Variants in CEMIP2 observed in about 807,000 individuals in gnomAD.
CEMIP2 encodes the protein cell migration inducing hyaluronidase 2.
In CEMIP2, 79 loss-of-function variants were observed where a neutral mutation model predicts 146.9. That is an observed-to-expected ratio of 0.54 (90% CI 0.45 to 0.65). CEMIP2 has a LOEUF of 0.65. Ranked by LOEUF, CEMIP2 falls within the 30% of genes least tolerant of loss-of-function variation. The pLI is 0.00. For synonymous variants in CEMIP2, 601 were observed against 606.3 expected (o/e 0.99, Z 0.13); for missense variants, 1,596 against 1,696.2 (o/e 0.94, Z 1.04).
intron 1 of CEMIP2, among the ~76,000 whole-genome samples, chr9:71,759,372 C>T (rs1472890486): frequency 6.6e-6 from 1 of 152,102 alleles, no homozygotes; most frequent in African/African-American, 2.4e-5. Flanking sequence ...GTATAAGAAA[C>T]TGTGGGGGTC....
intron 4 of CEMIP2, among the ~76,000 whole-genome samples, chr9:71,743,241 A>T (rs771676111): frequency 1.3e-5 from 2 of 152,222 alleles, no homozygotes; most frequent in Non-Finnish European, 2.9e-5. Context: ...ATTCAGGAGC[A>T]TGGCTCCCTT....
Position 71,707,166 on chromosome 9 carries a change from G to A in CEMIP2, c.2985+2093C>T, listed in dbSNP as rs185587395. Among the ~76,000 whole-genome samples the A allele has an allele frequency of 2.9e-3, 434 of 152,180 alleles. 1 individual carries two copies. The highest frequency in any genetic ancestry group is 5.4e-3 in the Non-Finnish European group (366 of 67,998). ...TCTAGTTTTGTTTCAGTTCTAGAAC[G>A]TCTATAGTTCCTAGGCATTGATGGG... On this transcript the variant is annotated intron_variant, in intron 17 of 23. Coordinates refer to ENST00000377044, the MANE Select transcript of CEMIP2 (RefSeq NM_013390.3).
At chr9:71,712,759 A>G (rs1345654108) in intron 15 of CEMIP2, among the ~76,000 whole-genome samples, 1 of 152,246 alleles carries the variant, frequency 6.6e-6, no homozygotes, top group Non-Finnish European at 1.5e-5. Flanking sequence ...ATGAGCCCTC[A>G]AGGCTTACCA....
At chr9:71,759,676 T>C (rs1035203883) in intron 1 of CEMIP2, among the ~76,000 whole-genome samples, 6 of 152,168 alleles carry the variant, frequency 3.9e-5, no homozygotes, top group Admixed American at 3.3e-4. Flanking sequence ...AGATAGTTCT[T>C]TTTGGAATTT....
intron 11 of CEMIP2, among the ~76,000 whole-genome samples, chr9:71,723,651 A>G (rs2131943124): frequency 6.6e-6 from 1 of 152,298 alleles, no homozygotes; most frequent in East Asian, 1.9e-4. Flanking sequence ...AGTTTGCAAC[A>G]TGTTTTATTT....
At chr9:71,763,085 A>G (rs947797830) in intron 1 of CEMIP2, among the ~76,000 whole-genome samples, 2 of 152,074 alleles carry the variant, frequency 1.3e-5, no homozygotes, top group Non-Finnish European at 2.9e-5. Context: ...GAAAACCTCA[A>G]GAACTCATTT....
intron 2 of CEMIP2, 85 bp downstream of exon 2, chr9:71,749,958 A>T: frequency 7.9e-7 from 1 of 1,268,252 alleles, no homozygotes; most frequent in Non-Finnish European, 1.1e-6. Flanking sequence ...GGGCCAACTT[A>T]AGATAAATTT....
At chr9:71,748,414 C>T (rs1824149360) in intron 2 of CEMIP2, among the ~76,000 whole-genome samples, 1 of 152,148 alleles carries the variant, frequency 6.6e-6, no homozygotes, top group African/African-American at 2.4e-5. Context: ...TTTCAGCATA[C>T]CAGATCTTTC....
At chr9:71,768,769 C>CG (rs1200108415), upstream of CEMIP2, 1 of 152,402 alleles carries the variant, frequency 6.6e-6, no homozygotes, top group Non-Finnish European at 1.5e-5. Context: ...GGCGGCGGCG[C>CG]GGGGCAGAGT....
rs1007336014 is a variant in CEMIP2 at position 71,754,315 on chromosome 9, T to A, written c.-12-3930A>T. Among the ~76,000 whole-genome samples, 4 of 152,208 alleles carry A rather than the reference T, an allele frequency of 2.6e-5. No homozygotes were observed. The East Asian group carries it at 7.7e-4, about 29-fold the overall frequency. ...GGCAATCTCAACAATGGCTGTTTAA[T>A]CCCTAAAGTTGTTAGTACTTGTGTT... is the stretch of plus-strand genomic sequence containing the variant. On this transcript the variant is annotated intron_variant, in intron 1 of 23. Coordinates refer to ENST00000377044, the MANE Select transcript of CEMIP2 (RefSeq NM_013390.3).
At chr9:71,767,177 A>C (rs554266294) in intron 1 of CEMIP2, among the ~76,000 whole-genome samples, 2 of 152,226 alleles carry the variant, frequency 1.3e-5, no homozygotes, top group South Asian at 2.1e-4. Context: ...AAGAAAGATA[A>C]GGCTAACCAT....
intron 18 of CEMIP2, among the ~76,000 whole-genome samples, chr9:71,702,533 C>T (rs977181309): frequency 4.6e-5 from 7 of 151,972 alleles, no homozygotes; most frequent in South Asian, 2.1e-4. Context: ...TACAATGCCT[C>T]GCTTTGGTTA....
chr9:71,734,151 A>T (rs1045941237), intron 6 of CEMIP2, among the ~76,000 whole-genome samples: 6 of 152,148 alleles, frequency 3.9e-5, no homozygotes, highest in African/African-American at 1.4e-4. Context: ...CCCAGCAAGG[A>T]AATGTAGTCT....
At chr9:71,739,835 T>C (rs1823864005) in intron 5 of CEMIP2, among the ~76,000 whole-genome samples, 2 of 152,318 alleles carry the variant, frequency 1.3e-5, no homozygotes, top group South Asian at 4.1e-4. Context: ...ACAATTCTTC[T>C]TCCAATGTGG....
In CEMIP2 at chr9:71,745,480, G is replaced by T. The variant is rs373079809; in HGVS notation, c.572C>A (p.Ala191Glu). The change falls in exon 4 of 24, where the codon GCA (alanine) becomes GAA (glutamate). Residue 191 changes from alanine to glutamate, a missense_variant. Ala to Glu is a moderately radical substitution (Grantham distance 107). Transcript: ENST00000377044. ...IQDGGALHIG[A>E]EKCRYKSKAT... ...TTTGGATTTATAGCGGCATTTTTCT[G>T]CTCCAATATGAAGCGCCCCACCATC... The T allele has an allele frequency of 6.2e-7, 1 of 1,613,746 alleles. No individual in the cohort carries two copies. Among genetic ancestry groups the T allele is most frequent in the African/African-American group, 1.3e-5 (1 of 74,968 alleles).
At position 71,716,570 on chromosome 9, in the gene CEMIP2, A is replaced by G. The variant is rs1291334065; in HGVS notation, c.2400-18T>C. On this transcript the variant is annotated intron_variant, in intron 13 of 23. Transcript: ENST00000377044. Reference sequence around the variant, plus strand: ...CTGCAAATCTGTAAAAGAAGAGAGAATGAAGAACATTTTAATTTACCATAT... The same window carrying G: ...CTGCAAATCTGTAAAAGAAGAGAGAGTGAAGAACATTTTAATTTACCATAT... 1.4e-5 allele frequency: 22 copies of G among 1,580,398 alleles called. No homozygotes were observed. Among genetic ancestry groups the G allele is most frequent in the Non-Finnish European group, 1.9e-5 (22 of 1,161,676 alleles).
intron 20 of CEMIP2, among the ~76,000 whole-genome samples, chr9:71,695,099 A>G (rs1822355911): frequency 6.6e-6 from 1 of 152,252 alleles, no homozygotes; most frequent in Non-Finnish European, 1.5e-5. Flanking sequence ...GTTGTGCCTT[A>G]TAGACAGGCC....
intron 17 of CEMIP2, 70 bp from the exon 18 acceptor site, chr9:71,704,873 A>G (rs1822689845): frequency 2.7e-6 from 4 of 1,460,320 alleles, no homozygotes; most frequent in Non-Finnish European, 3.8e-6. Context: ...CATTTTCAGC[A>G]CAAAGTCAAG....
Position 71,712,249 on chromosome 9 carries a change from A to G in CEMIP2, c.2603T>C (p.Ile868Thr), listed in dbSNP as rs766147575. The change falls in exon 16 of 24, where the codon ATT becomes ACT. Residue 868 changes from isoleucine to threonine, a missense_variant. Ile to Thr is a moderately conservative substitution (Grantham distance 89, BLOSUM62 -1). Coordinates refer to ENST00000377044, the MANE Select transcript of CEMIP2 (RefSeq NM_013390.3). ...RTLPRNRTFP[I>T]RGFQIYDGPI... ...CCCATCATAAATCTGAAAGCCTCTA[A>G]TTGGGAACGTCCTGTGGAAATACAA... 6.2e-7 allele frequency: 1 copy of G among 1,614,092 alleles called. No homozygotes were observed. The highest frequency in any genetic ancestry group is 8.5e-7 in the Non-Finnish European group (1 of 1,179,982).
Sources: gnomAD v4.1 joint callset for allele counts (sites outside exome capture counted in the v4.1 genomes callset) on GRCh38, gnomAD v4.1.1 for gene constraint, MANE v1.5 for transcripts, NCBI Gene and HGNC (gene_info 2026-07-23, HGNC 2026-07-21) for gene names.